The following WDR7 variants were observed in gnomAD, a reference collection of about 807,000 sequenced individuals.
WDR7 encodes the protein WD repeat-containing protein 7.
WDR7 carries 46 observed loss-of-function variants against 169.4 expected under a neutral mutation model. The observed-to-expected ratio is 0.27, with a 90% CI of 0.21 to 0.35. The LOEUF is 0.35. WDR7 is among the 10% of genes least tolerant of loss of function. The pLI is 1.00. For synonymous variants in WDR7, 612 were observed against 666.8 expected, an observed-to-expected ratio of 0.92 and a Z score of 1.27; for missense variants, 1,534 against 1,859.3, an observed-to-expected ratio of 0.83 and a Z score of 3.22.
intron 27 of WDR7, among the ~76,000 whole-genome samples, chr18:57,024,294 A>C (rs993695749): frequency 1.3e-5 from 2 of 152,148 alleles, no homozygotes; most frequent in African/African-American, 2.4e-5. Flanking sequence ...CATCGTTTGT[A>C]TCCAGTCGCT....
chr18:56,730,934 G>A (rs2144803730), intron 13 of WDR7, among the ~76,000 whole-genome samples: 1 of 152,182 alleles, frequency 6.6e-6, no homozygotes, highest in East Asian at 1.9e-4. Context: ...CTGTTTTGTG[G>A]AAGTTTCTTA....
At chr18:56,834,726 G>A (rs2045369817) in intron 20 of WDR7, among the ~76,000 whole-genome samples, 1 of 152,124 alleles carries the variant, frequency 6.6e-6, no homozygotes, top group Admixed American at 6.5e-5. Context: ...ACTTTAGAAG[G>A]CATCCCACAT....
intron 7 of WDR7, among the ~76,000 whole-genome samples, chr18:56,690,512 T>C (rs2025541258): frequency 6.6e-6 from 1 of 152,116 alleles, no homozygotes; most frequent in South Asian, 2.1e-4. Context: ...CCAGAGTTTA[T>C]TGTTAGAAAT....
intron 26 of WDR7, among the ~76,000 whole-genome samples, chr18:57,013,581 A>T (rs1443644843): frequency 3.3e-5 from 5 of 152,246 alleles, no homozygotes; most frequent in Non-Finnish European, 1.5e-5. Flanking sequence ...AGAATTAGTA[A>T]ATTGGAGAAG....
chr18:56,757,163 A>T lies in WDR7; in HGVS notation c.2570A>T (p.Lys857Ile), dbSNP rs779427029. Residue 857 changes from lysine (K) to isoleucine (I), a missense_variant, in exon 15 of 28, where the codon AAA becomes ATA. Physicochemically the swap from Lys to Ile is moderately radical, Grantham distance 102 (BLOSUM62 -3). Coordinates refer to ENST00000254442, the MANE Select transcript of WDR7 (RefSeq NM_015285.3). ...MLPGYNQPAC[K>I]LSHGKTEVGR... is the part of the protein sequence containing the mutation. ...CCGGGTTATAATCAGCCTGCTTGTA[A>T]ACTGTCACATGGGAAAACAGAAGTA... 18 of 1,613,924 alleles carry T rather than the reference A, an allele frequency of 1.1e-5. No individual in the cohort carries two copies. Among genetic ancestry groups the T allele is most frequent in the Non-Finnish European group, 1.5e-5 (18 of 1,179,994 alleles).
At chr18:56,729,152 A>G (rs2026527404) in intron 13 of WDR7, among the ~76,000 whole-genome samples, 1 of 152,198 alleles carries the variant, frequency 6.6e-6, no homozygotes, top group African/African-American at 2.4e-5. Flanking sequence ...TTTCCATTAT[A>G]ACTACAAACT....
intron 1 of WDR7, among the ~76,000 whole-genome samples, chr18:56,654,959 A>G (rs1399032420): frequency 6.6e-6 from 1 of 152,182 alleles, no homozygotes; most frequent in African/African-American, 2.4e-5. Flanking sequence ...GTGCTCATAT[A>G]TACTCTGAAT....
At chr18:56,750,561 G>A (rs2043775876) in intron 14 of WDR7, among the ~76,000 whole-genome samples, 1 of 152,190 alleles carries the variant, frequency 6.6e-6, no homozygotes. Context: ...ATGTAAAGGT[G>A]AGTTTGTGAG....
intron 1 of WDR7, among the ~76,000 whole-genome samples, chr18:56,658,384 G>C (rs2024826005): frequency 6.6e-6 from 1 of 152,128 alleles, no homozygotes; most frequent in Non-Finnish European, 1.5e-5. Context: ...AATTAGTCAT[G>C]AGCCACTGCG....
In WDR7 at chr18:57,028,187, A is replaced by G. The variant is rs1434181479; in HGVS notation, c.*980A>G. On this transcript the variant is annotated 3_prime_UTR_variant, in exon 28 of 28. Transcript: ENST00000254442. ...GAAATTATTATAATTCAGCCTTCAA[A>G]CTACTACTGATCAACTAAAGGAAAG... is the stretch of plus-strand genomic sequence containing the variant. 6.6e-6 allele frequency: 1 copy of G among 152,232 alleles called. No individual in the cohort carries two copies. The highest frequency in any genetic ancestry group is 1.5e-5 in the Non-Finnish European group (1 of 68,040). The allele number at this position is 152,232 out of a possible 1,614,324, so 9.4% of individuals were successfully genotyped here.
intron 21 of WDR7, among the ~76,000 whole-genome samples, chr18:56,911,387 CAG>C (rs899869065): frequency 3.9e-5 from 6 of 152,184 alleles, no homozygotes; most frequent in Non-Finnish European, 8.8e-5. Context: ...AAACGGGCAG[CAG>C]AGTGACTTTT....
Position 56,974,608 on chromosome 18 carries a change from G to A in WDR7, c.4164+12079G>A, listed in dbSNP as rs142490689. Reference sequence around the variant, plus strand: ...TATCAGAGAGTAGCCTCCCGACCACGGGCATTGCTCATGTGCTAGGCACCA... The same window carrying A: ...TATCAGAGAGTAGCCTCCCGACCACAGGCATTGCTCATGTGCTAGGCACCA... On this transcript the variant is annotated intron_variant, in intron 26 of 27. Transcript: ENST00000254442. 8.0e-4 allele frequency among the ~76,000 whole-genome samples: 122 copies of A among 152,204 alleles called. 3 individuals are homozygous for A. In the East Asian group the frequency reaches 0.018, roughly 23 times the overall value.
intron 20 of WDR7, among the ~76,000 whole-genome samples, chr18:56,858,877 G>A (rs2045761228): frequency 6.6e-6 from 1 of 152,150 alleles, no homozygotes; most frequent in African/African-American, 2.4e-5. Flanking sequence ...TTCTTGCAGG[G>A]GGAAGGGGTT....
In WDR7 at chr18:56,756,697, C is replaced by T. The variant is rs545866244; in HGVS notation, c.2104C>T (p.Leu702Phe). 1.9e-6 allele frequency: 3 copies of T among 1,614,174 alleles called. No homozygotes were observed. Among genetic ancestry groups the T allele is most frequent in the East Asian group, 2.2e-5 (1 of 44,874 alleles). ...FFDVEALIIQ[L>F]LTEEASRPNT... ...TGATGTGGAAGCGTTGATTATTCAA[C>T]TCCTGACTGAAGAAGCCTCTAGGCC... The change falls in exon 15 of 28, where the codon CTC becomes TTC. Residue 702 changes from leucine (L) to phenylalanine (F), a missense_variant. Transcript: ENST00000254442.
chr18:56,850,028 A>G (rs1392266158), intron 20 of WDR7, among the ~76,000 whole-genome samples: 1 of 152,066 alleles, frequency 6.6e-6, no homozygotes, highest in African/African-American at 2.4e-5. Flanking sequence ...TGTGGCCTTC[A>G]TGAATGTGGC....
chr18:56,926,367 C>A (rs949766632), intron 22 of WDR7, among the ~76,000 whole-genome samples: 9 of 152,324 alleles, frequency 5.9e-5, no homozygotes, highest in African/African-American at 2.2e-4. Context: ...GAGAAACATT[C>A]ACATTTTTCG....
chr18:56,718,252 C>A, intron 13 of WDR7, 93 bp downstream of exon 13: 1 of 1,304,340 alleles, frequency 7.7e-7, no homozygotes, highest in African/African-American at 1.5e-5. Context: ...AGAAAAAAGG[C>A]TTGAAATGTA....
intron 21 of WDR7, among the ~76,000 whole-genome samples, chr18:56,902,351 G>A (rs1303970305): frequency 2.6e-5 from 4 of 152,166 alleles, no homozygotes; most frequent in Admixed American, 2.6e-4. Context: ...CTACAAAGTA[G>A]AGTTTGCCTT....
intron 1 of WDR7, among the ~76,000 whole-genome samples, chr18:56,663,150 G>C (rs1233727077): frequency 6.6e-6 from 1 of 152,208 alleles, no homozygotes; most frequent in African/African-American, 2.4e-5. Context: ...TATCACAGTA[G>C]TGTCTTGCTC....
Sources: allele counts gnomAD v4.1 joint callset (sites outside exome capture counted in the v4.1 genomes callset), GRCh38; gene constraint gnomAD v4.1.1; transcripts MANE v1.5; gene names NCBI Gene and HGNC (gene_info 2026-07-23, HGNC 2026-07-21).